Variants in SYT2 observed in about 807,000 individuals in gnomAD.
SYT2 encodes the protein synaptotagmin-2.
In SYT2, 15 loss-of-function variants were observed where a neutral mutation model predicts 39.9. The observed-to-expected ratio is 0.38, with a 90% CI of 0.25 to 0.58. The LOEUF is 0.58. Among genes scored for constraint, SYT2 ranks in the 20% least tolerant of loss-of-function variants. The pLI, the probability that SYT2 is intolerant of heterozygous loss-of-function variation, is 0.70. For missense variants in SYT2, 389 were observed against 530.3 expected, an observed-to-expected ratio of 0.73 and a Z score of 2.62; for synonymous variants, 181 against 204.5, an observed-to-expected ratio of 0.89 and a Z score of 0.98.
chr1:202,624,227 G>A (rs1381617716), intron 1 of SYT2, among the ~76,000 whole-genome samples: 1 of 147,704 alleles, frequency 6.8e-6, no homozygotes, highest in African/African-American at 2.6e-5. Context: ...TGTGTGTGCT[G>A]TATGTGTAGT....
At chr1:202,621,471 G>A (rs1691200180) in intron 1 of SYT2, among the ~76,000 whole-genome samples, 1 of 151,976 alleles carries the variant, frequency 6.6e-6, no homozygotes, top group Admixed American at 6.6e-5. Flanking sequence ...TAGTTTTAAA[G>A]TTTTTCATAG....
intron 1 of SYT2, among the ~76,000 whole-genome samples, chr1:202,606,411 C>T (rs1690709370): frequency 6.6e-6 from 1 of 152,172 alleles, no homozygotes; most frequent in Admixed American, 6.5e-5. Flanking sequence ...CTTTCAACCT[C>T]TCTCCTTGAC....
chr1:202,674,895 C>A (rs985806324), intron 1 of SYT2, among the ~76,000 whole-genome samples: 18 of 152,092 alleles, frequency 1.2e-4, no homozygotes, highest in Non-Finnish European at 2.2e-4. Flanking sequence ...TGAGCACCAC[C>A]CCAATAATCT....
intron 1 of SYT2, among the ~76,000 whole-genome samples, chr1:202,633,488 C>T (rs1309313872): frequency 6.6e-6 from 1 of 152,114 alleles, no homozygotes; most frequent in Non-Finnish European, 1.5e-5. Flanking sequence ...CTCCCCTCTC[C>T]CCATCTTCAT....
intron 1 of SYT2, among the ~76,000 whole-genome samples, chr1:202,613,786 G>A (rs1690955032): frequency 6.6e-6 from 1 of 152,130 alleles, no homozygotes; most frequent in South Asian, 2.1e-4. Context: ...TCCACTGCAG[G>A]GCAGGCAGGA....
At chr1:202,709,460 G>A (rs967036885) in intron 1 of SYT2, among the ~76,000 whole-genome samples, 2 of 152,218 alleles carry the variant, frequency 1.3e-5, no homozygotes, top group Admixed American at 1.3e-4. Context: ...GTGCCCCAGA[G>A]GTGGGGGAAG....
chr1:202,628,479 G>A lies in SYT2; in HGVS notation c.-17-22690C>T, dbSNP rs1374769256. ...AGGTGCTGGCCAGGCCCCAGGGACA[G>A]AGACGTGCCCATCACTCTTCAGACA... is the stretch of plus-strand genomic sequence containing the variant. On this transcript the variant is annotated intron_variant, in intron 1 of 8. Coordinates refer to ENST00000367268, the MANE Select transcript of SYT2 (RefSeq NM_177402.5). This position sits in a 1 kb window ranked among gnomAD's most constrained non-coding sequence, Gnocchi z 4.2. Among the ~76,000 whole-genome samples the A allele has an allele frequency of 2.0e-5, 3 of 152,220 alleles. No individual in the cohort carries two copies. The highest frequency in any genetic ancestry group is 1.9e-4 in the East Asian group (1 of 5,196).
intron 1 of SYT2, among the ~76,000 whole-genome samples, chr1:202,653,444 G>A (rs892946495): frequency 6.6e-6 from 1 of 152,092 alleles, no homozygotes; most frequent in Non-Finnish European, 1.5e-5. Flanking sequence ...TACCACAGGG[G>A]ACTGGTCCCA....
At chr1:202,625,098 ATGTGTGTGGTGTGTGTGG>A (rs1691345010) in intron 1 of SYT2, among the ~76,000 whole-genome samples, 2 of 4,148 alleles carry the variant, frequency 4.8e-4, no homozygotes, top group Non-Finnish European at 1.2e-3. Context: ...TGTGTGTGGT[ATGTGTGTGGTGTGTGTGG>A]TATGTGTGTC....
intron 1 of SYT2, among the ~76,000 whole-genome samples, chr1:202,620,276 G>C (rs1691168297): frequency 6.6e-6 from 1 of 152,234 alleles, no homozygotes; most frequent in Non-Finnish European, 1.5e-5. Context: ...AGGGCTGGGA[G>C]CAATGGGTCC....
chr1:202,679,883 G>C (rs1213685105), intron 1 of SYT2, among the ~76,000 whole-genome samples: 2 of 152,086 alleles, frequency 1.3e-5, no homozygotes, highest in Non-Finnish European at 2.9e-5. Context: ...AGCCCTCAAT[G>C]CTGTGCCACA....
chr1:202,709,484 G>A (rs1367539229), intron 1 of SYT2, among the ~76,000 whole-genome samples: 1 of 152,216 alleles, frequency 6.6e-6, no homozygotes, highest in African/African-American at 2.4e-5. Flanking sequence ...CATAGGCAGG[G>A]GAAGGGGGCA....
At chr1:202,663,654 C>T (rs1015977578) in intron 1 of SYT2, among the ~76,000 whole-genome samples, 1 of 152,222 alleles carries the variant, frequency 6.6e-6, no homozygotes, top group African/African-American at 2.4e-5. Context: ...CTACAATCCC[C>T]TTTTACCTCT....
At chr1:202,690,047 A>C (rs1039892683) in intron 1 of SYT2, among the ~76,000 whole-genome samples, 3 of 152,052 alleles carry the variant, frequency 2.0e-5, no homozygotes, top group African/African-American at 7.2e-5. Context: ...TCAATTATTC[A>C]TCTCTGTCAG....
chr1:202,602,872 G>T, intron 4 of SYT2, 127 bp downstream of exon 4: 1 of 1,227,108 alleles, frequency 8.1e-7, no homozygotes, highest in Non-Finnish European at 1.2e-6. Context: ...GCAGTTTCCA[G>T]CCTGCCTCAT....
intron 1 of SYT2, among the ~76,000 whole-genome samples, chr1:202,637,240 A>G (rs1572646528): frequency 3.9e-5 from 6 of 152,090 alleles, no homozygotes; most frequent in Admixed American, 3.3e-4. Flanking sequence ...AGTCCCAGCT[A>G]TGTGGGATGC....
chr1:202,675,235 T>C (rs568652377), intron 1 of SYT2, among the ~76,000 whole-genome samples: 197 of 152,218 alleles, frequency 1.3e-3, no homozygotes, highest in African/African-American at 4.3e-3. Context: ...TGTATGACCA[T>C]ATATTTAACG....
chr1:202,626,173 G>C (rs1194702949), intron 1 of SYT2, among the ~76,000 whole-genome samples: 1 of 152,090 alleles, frequency 6.6e-6, no homozygotes, highest in Non-Finnish European at 1.5e-5. Context: ...GGTAATGGGA[G>C]GGGGTGGACT....
chr1:202,709,445 G>T (rs1654336516), intron 1 of SYT2, among the ~76,000 whole-genome samples: 1 of 152,218 alleles, frequency 6.6e-6, no homozygotes, highest in Admixed American at 6.5e-5. Context: ...AAAAATAAAA[G>T]CCCTGTGCCC....
Sources: gnomAD v4.1 joint callset for allele counts (sites outside exome capture counted in the v4.1 genomes callset) on GRCh38, gnomAD v4.1.1 for gene constraint, Gnocchi (gnomAD v3.1) non-coding constraint, MANE v1.5 for transcripts, NCBI Gene and HGNC (gene_info 2026-07-23, HGNC 2026-07-21) for gene names.